LPP: variants seen among roughly 807,000 people sequenced by gnomAD.
LPP encodes LIM domain containing preferred translocation partner in lipoma, also known as lipoma-preferred partner.
A neutral mutation model predicts 60.4 loss-of-function variants in LPP; 38 were observed. That is an observed-to-expected ratio of 0.63 (90% CI 0.49 to 0.83). The LOEUF (loss-of-function observed/expected upper bound fraction) is 0.83, where lower values mean the gene tolerates loss of function less well. LPP is among the 40% of genes least tolerant of loss of function. The pLI, the probability that LPP is intolerant of heterozygous loss-of-function variation, is 0.00. For synonymous variants in LPP, 328 were observed against 290.8 expected, an observed-to-expected ratio of 1.13 and a Z score of -1.30; for missense variants, 902 against 783.6, an observed-to-expected ratio of 1.15 and a Z score of -1.80.
At chr3:188,584,390 G>T (rs1353507837) in intron 6 of LPP, 1 of 152,056 alleles carries the variant, frequency 6.6e-6, no homozygotes, top group African/African-American at 2.4e-5. Flanking sequence ...AACTTTTTCC[G>T]TAGGTTGCGA....
chr3:188,746,566 A>AC, intron 8 of LPP: 1 of 486,630 alleles, frequency 2.1e-6, no homozygotes, highest in South Asian at 1.5e-5. Flanking sequence ...CCTGTGTGGT[A>AC]TCTCTTGCCC....
At chr3:188,793,170 C>T (rs921944386) in intron 9 of LPP, among the ~76,000 whole-genome samples, 1 of 142,520 alleles carries the variant, frequency 7.0e-6, no homozygotes, top group Non-Finnish European at 1.5e-5. Flanking sequence ...TCAAGCCTCC[C>T]TTTCTCATTT....
At chr3:188,841,056 T>C (rs1040251341) in intron 9 of LPP, among the ~76,000 whole-genome samples, 1 of 152,184 alleles carries the variant, frequency 6.6e-6, no homozygotes, top group African/African-American at 2.4e-5. Context: ...TCCCTGGCCA[T>C]GGCAGGAGAA....
chr3:188,593,834 C>G (rs1839445385), intron 6 of LPP, among the ~76,000 whole-genome samples: 1 of 152,092 alleles, frequency 6.6e-6, no homozygotes, highest in African/African-American at 2.4e-5. Context: ...GTTTCTTTAT[C>G]CACTCATTGA....
chr3:188,798,967 T>C (rs1355580186), intron 9 of LPP, among the ~76,000 whole-genome samples: 1 of 152,254 alleles, frequency 6.6e-6, no homozygotes, highest in East Asian at 1.9e-4. Flanking sequence ...ATTAACTGTT[T>C]GTGATGAATA....
At chr3:188,690,086 A>T (rs902371662) in intron 7 of LPP, among the ~76,000 whole-genome samples, 2 of 152,248 alleles carry the variant, frequency 1.3e-5, no homozygotes. Flanking sequence ...AAAGATGTGC[A>T]TAATGCTCCC....
rs573902019 is a variant in LPP at position 188,664,034 on chromosome 3, A to T, written c.1114-44233A>T. Among the ~76,000 whole-genome samples the T allele has an allele frequency of 8.5e-5, 13 of 152,272 alleles. No homozygotes were observed. In the East Asian group the frequency reaches 2.1e-3, roughly 25 times the overall value. ...TGGGGACACCTGTTACAGAATTTAT[A>T]CTGTTAAATGTCACTTGATATGCAC... On this transcript the variant is annotated intron_variant, in intron 7 of 11. Transcript: ENST00000617246.
intron 7 of LPP, among the ~76,000 whole-genome samples, chr3:188,707,585 T>G (rs539723668): frequency 7.0e-4 from 107 of 152,284 alleles, no homozygotes; most frequent in African/African-American, 2.5e-3. Context: ...TTACTCAACT[T>G]CCTTAACTGG....
intron 5 of LPP, among the ~76,000 whole-genome samples, chr3:188,501,643 G>T (rs1396404488): frequency 2.0e-5 from 3 of 152,108 alleles, no homozygotes; most frequent in Non-Finnish European, 4.4e-5. Flanking sequence ...CAGCTAATCG[G>T]GAGGCTGAGG....
chr3:188,268,779 G>A (rs1736546872), intron 2 of LPP, among the ~76,000 whole-genome samples: 1 of 152,120 alleles, frequency 6.6e-6, no homozygotes, highest in South Asian at 2.1e-4. Flanking sequence ...CATTCTCCTC[G>A]TGGCAGGAAT....
intron 2 of LPP, among the ~76,000 whole-genome samples, chr3:188,233,455 G>A (rs759343413): frequency 1.3e-5 from 2 of 152,122 alleles, no homozygotes; most frequent in Admixed American, 6.5e-5. Context: ...TCACCTCACC[G>A]TGGTTCAATG....
At chr3:188,746,830 A>G (rs1267825384) in intron 8 of LPP, among the ~76,000 whole-genome samples, 1 of 152,210 alleles carries the variant, frequency 6.6e-6, no homozygotes, top group Non-Finnish European at 1.5e-5. Context: ...CATAAATAAA[A>G]CATTACCTAT....
intron 7 of LPP, among the ~76,000 whole-genome samples, chr3:188,640,296 C>G (rs1261067659): frequency 6.8e-6 from 1 of 147,762 alleles, no homozygotes; most frequent in Non-Finnish European, 1.5e-5. Context: ...CATATTCTCA[C>G]TTATAGGTGG....
intron 9 of LPP, among the ~76,000 whole-genome samples, chr3:188,790,825 A>G (rs1029651421): frequency 4.6e-5 from 7 of 151,572 alleles, no homozygotes; most frequent in Non-Finnish European, 8.8e-5. Flanking sequence ...TGTCTCCAAA[A>G]AAAAAAAATG....
intron 1 of LPP, among the ~76,000 whole-genome samples, chr3:188,170,624 C>T (rs546619058): frequency 6.6e-6 from 1 of 151,902 alleles, no homozygotes; most frequent in African/African-American, 2.4e-5. Context: ...AGCCACCATG[C>T]CCAGCCGAGG....
chr3:188,435,773 T>A (rs113053459), intron 4 of LPP, among the ~76,000 whole-genome samples: 2,449 of 152,268 alleles, frequency 0.016, 58 homozygotes, highest in African/African-American at 0.056. Flanking sequence ...TGCATAAACC[T>A]GAATTAATCT....
At chr3:188,836,482 C>CA (rs1758476078) in intron 9 of LPP, among the ~76,000 whole-genome samples, 1 of 152,192 alleles carries the variant, frequency 6.6e-6, no homozygotes. Flanking sequence ...TCTGTGTGAA[C>CA]AACTTGACAA....
Position 188,888,520 on chromosome 3 carries a change from C to G in LPP, c.*14041C>G. ...CTCCGGCCTCTTTGCGAGACTGACT[C>G]AAATCTGTGATCTTCTGTTCAGCAT... On this transcript the variant is annotated 3_prime_UTR_variant, in exon 12 of 12. Coordinates refer to ENST00000617246, the MANE Select transcript of LPP (RefSeq NM_001375462.1). The G allele has an allele frequency of 4.4e-6, 1 of 228,054 alleles. No homozygotes were observed. Among genetic ancestry groups the G allele is most frequent in the Non-Finnish European group, 8.7e-6 (1 of 114,348 alleles). 14.1% of individuals were successfully genotyped at this position (228,054 alleles called of 1,614,324 possible).
chr3:188,786,712 CGGTGGCACATTCTTACCCT>C (rs1269954808), intron 9 of LPP, among the ~76,000 whole-genome samples: 9 of 152,120 alleles, frequency 5.9e-5, no homozygotes, highest in Non-Finnish European at 1.3e-4. Context: ...AATGGTTAAA[CGGTGGCACATTCTTACCCT>C]GGAATACGAT....
Sources: gnomAD v4.1 joint callset for allele counts (sites outside exome capture counted in the v4.1 genomes callset) on GRCh38, gnomAD v4.1.1 for gene constraint, MANE v1.5 for transcripts, NCBI Gene and HGNC (gene_info 2026-07-23, HGNC 2026-07-21) for gene names.